The following ACADL variants were observed in gnomAD, a reference collection of about 807,000 sequenced individuals.
ACADL encodes the protein acyl-CoA dehydrogenase long chain, also known as long-chain specific acyl-CoA dehydrogenase, mitochondrial.
ACADL carries 60 observed loss-of-function variants against 56.9 expected under a neutral mutation model. The ratio of observed to expected loss-of-function variants is 1.05; its 90% CI spans 0.86 to 1.31. The LOEUF is 1.31. Among genes scored for constraint, ACADL ranks in the 50% most tolerant of loss-of-function variants. ACADL has a pLI of 0.00. For missense variants in ACADL, 484 were observed against 525.5 expected (o/e 0.92, Z 0.77); for synonymous variants, 158 against 179.7 (o/e 0.88, Z 0.97).
At chr2:210,224,646 C>G (rs951576694) in intron 1 of ACADL, 2 of 985,570 alleles carry the variant, frequency 2.0e-6, no homozygotes, top group Non-Finnish European at 2.4e-6. Context: ...ATGGAACCCT[C>G]GCCAGGTCAT....
intron 1 of ACADL, chr2:210,224,810 G>A (rs970702113): frequency 6.0e-6 from 6 of 1,003,002 alleles, no homozygotes; most frequent in Non-Finnish European, 7.1e-6. Flanking sequence ...CCGCGCTCCT[G>A]CAGCCGGGCC....
intron 10 of ACADL, 72 bp downstream of exon 10, chr2:210,192,732 G>T: frequency 1.8e-6 from 2 of 1,125,476 alleles, no homozygotes; most frequent in Non-Finnish European, 2.7e-6. Flanking sequence ...CTCTACATTT[G>T]ATGTACAAAG....
Position 210,205,750 on chromosome 2 carries a change from G to T in ACADL, c.650C>A (p.Ala217Glu). Residue 217 changes from alanine (A) to glutamate (E), a missense_variant, in exon 6 of 11, where the codon GCG becomes GAG. Physicochemically the swap from Ala to Glu is moderately radical, Grantham distance 107. Transcript: ENST00000233710. ...GSLSDVVIVV[A>E]VTNHEAPSPA... ...GGAGGGAGCTTCATGATTTGTGACC[G>T]CAACTACAATCACAACATCACTTAA... 1.2e-6 allele frequency: 2 copies of T among 1,613,894 alleles called. No individual in the cohort carries two copies. Among genetic ancestry groups the T allele is most frequent in the East Asian group, 2.2e-5 (1 of 44,856 alleles).
At chr2:210,199,307 C>T (rs1688758198) in intron 8 of ACADL, among the ~76,000 whole-genome samples, 1 of 152,048 alleles carries the variant, frequency 6.6e-6, no homozygotes, top group Non-Finnish European at 1.5e-5. Flanking sequence ...TATAAACTTA[C>T]TTGGAAAACA....
At chr2:210,217,900 C>A in intron 3 of ACADL, 65 bp downstream of exon 3, 3 of 1,567,184 alleles carry the variant, frequency 1.9e-6, no homozygotes, top group South Asian at 2.2e-5. Context: ...TTTGTTTGGT[C>A]ATTTCAGAAA....
intron 5 of ACADL, among the ~76,000 whole-genome samples, chr2:210,208,578 A>G (rs1357413213): frequency 2.0e-5 from 3 of 152,204 alleles, no homozygotes; most frequent in Admixed American, 6.5e-5. Context: ...ATAACAGAAA[A>G]TCATTGCAGA....
chr2:210,224,966 G>T (rs1689244448), intron 1 of ACADL: 1 of 1,374,116 alleles, frequency 7.3e-7, no homozygotes, highest in Non-Finnish European at 9.3e-7. Context: ...GTCTGTTCTC[G>T]GGGCGGCACG....
intron 1 of ACADL, chr2:210,224,292 T>C (rs564410599): frequency 2.0e-5 from 9 of 459,400 alleles, no homozygotes; most frequent in African/African-American, 2.0e-4. Context: ...AAGAGTTAAG[T>C]ATGTATCCTA....
chr2:210,213,397 G>A (rs1689021386), intron 4 of ACADL, among the ~76,000 whole-genome samples: 1 of 152,088 alleles, frequency 6.6e-6, no homozygotes, highest in African/African-American at 2.4e-5. Context: ...TTACTTGGGA[G>A]GCTGAGGCAG....
chr2:210,221,466 CT>C (rs1475369130), intron 1 of ACADL, among the ~76,000 whole-genome samples: 1 of 152,134 alleles, frequency 6.6e-6, no homozygotes, highest in Non-Finnish European at 1.5e-5. Flanking sequence ...TGAAGTACCC[CT>C]GAAAGAAATT....
intron 8 of ACADL, among the ~76,000 whole-genome samples, chr2:210,202,590 T>C (rs986041238): frequency 6.6e-6 from 1 of 152,140 alleles, no homozygotes; most frequent in African/African-American, 2.4e-5. Flanking sequence ...TCAAAGACCT[T>C]ACGCAGTTGA....
intron 8 of ACADL, 145 bp from the exon 9 acceptor site, chr2:210,195,483 C>G: frequency 1.2e-6 from 1 of 858,626 alleles, no homozygotes; most frequent in South Asian, 1.6e-5. Context: ...ATAAAAATGG[C>G]ATTTGTTACC....
At chr2:210,196,056 T>G (rs560308466) in intron 8 of ACADL, among the ~76,000 whole-genome samples, 133 of 152,244 alleles carry the variant, frequency 8.7e-4, no homozygotes, top group Middle Eastern at 3.4e-3. Context: ...TGGTGGGAGA[T>G]AATTGAATCA....
intron 6 of ACADL, 115 bp from the exon 7 acceptor site, chr2:210,204,797 C>A: frequency 1.2e-6 from 1 of 836,586 alleles, no homozygotes; most frequent in Non-Finnish European, 2.0e-6. Flanking sequence ...AATTGGAAGC[C>A]AAGTTGGAGT....
intron 3 of ACADL, 112 bp downstream of exon 3, chr2:210,217,853 A>G (rs949868890): frequency 1.3e-5 from 19 of 1,423,534 alleles, no homozygotes; most frequent in South Asian, 3.5e-5. Context: ...TGAATTTTCA[A>G]TCTTCCAAGA....
chr2:210,193,282 T>C (rs892182101), intron 9 of ACADL, among the ~76,000 whole-genome samples: 1 of 152,172 alleles, frequency 6.6e-6, no homozygotes, highest in African/African-American at 2.4e-5. Context: ...CCTTGTAATA[T>C]GCATTTTTTC....
intron 8 of ACADL, among the ~76,000 whole-genome samples, chr2:210,196,852 G>A (rs563101050): frequency 6.4e-4 from 97 of 152,274 alleles, no homozygotes; most frequent in African/African-American, 2.1e-3. Context: ...ACTCAAACTA[G>A]AAATTAAACA....
At chr2:210,189,664 A>C (rs1195527271) in intron 10 of ACADL, among the ~76,000 whole-genome samples, 1 of 152,122 alleles carries the variant, frequency 6.6e-6, no homozygotes, top group African/African-American at 2.4e-5. Flanking sequence ...CACCAAAGAA[A>C]AAAAAAACCC....
intron 5 of ACADL, 48 bp downstream of exon 5, chr2:210,210,148 A>G (rs1230835283): frequency 1.5e-6 from 2 of 1,352,916 alleles, no homozygotes; most frequent in Non-Finnish European, 1.1e-6. Context: ...ATTGTTACCC[A>G]TGGCATGACT....
Sources: allele counts gnomAD v4.1 joint callset (sites outside exome capture counted in the v4.1 genomes callset), GRCh38; gene constraint gnomAD v4.1.1; transcripts MANE v1.5; gene names NCBI Gene and HGNC (gene_info 2026-07-23, HGNC 2026-07-21).